Variants in NDRG4 observed in about 807,000 individuals in gnomAD.
NDRG4 encodes the protein protein NDRG4.
A neutral mutation model predicts 55.8 loss-of-function variants in NDRG4; 38 were observed. The ratio of observed to expected loss-of-function variants is 0.68; its 90% CI spans 0.53 to 0.89. The LOEUF is 0.89. Among genes scored for constraint, NDRG4 ranks in the 40% least tolerant of loss-of-function variants. The pLI is 0.00. For synonymous variants in NDRG4, 190 were observed against 182.7 expected, an observed-to-expected ratio of 1.04 and a Z score of -0.32; for missense variants, 455 against 468.6, an observed-to-expected ratio of 0.97 and a Z score of 0.27.
chr16:58,507,079 C>A, intron 8 of NDRG4, 64 bp downstream of exon 8: 1 of 1,283,170 alleles, frequency 7.8e-7, no homozygotes, highest in Non-Finnish European at 1.1e-6. Context: ...GCACACTGCC[C>A]CCTGAGGGAG....
At chr16:58,510,602 TCC>T in intron 13 of NDRG4, 41 bp from the exon 14 acceptor site, 1 of 1,511,524 alleles carries the variant, frequency 6.6e-7, no homozygotes, top group Non-Finnish European at 8.9e-7. Context: ...GTGTTGTGTC[TCC>T]CCCATCCCCG....
chr16:58,464,919 A>C lies in NDRG4; in HGVS notation c.-24+1122A>C. On this transcript the variant is annotated intron_variant, in intron 1 of 15. Coordinates refer to the NDRG4 transcript ENST00000258187. This position sits in a 1 kb window ranked among gnomAD's most constrained non-coding sequence, Gnocchi z 4.8. Reference sequence around the variant, plus strand: ...CTTGCTGGGAGTGGAGGCGACGCCAAGTGGCCTGGGAAGTGGGAAGCCAGA... The same window carrying C: ...CTTGCTGGGAGTGGAGGCGACGCCACGTGGCCTGGGAAGTGGGAAGCCAGA... The C allele has an allele frequency of 8.6e-7, 1 of 1,168,128 alleles. No individual in the cohort carries two copies. The highest frequency in any genetic ancestry group is 1.1e-6 in the Non-Finnish European group (1 of 932,200). 72.4% of individuals were successfully genotyped at this position (1,168,128 alleles called of 1,614,324 possible).
rs1443786630 is a variant in NDRG4, at chr16:58,464,312, C to G, written c.-24+515C>G. The G allele has an allele frequency of 1.2e-6, 1 of 855,266 alleles. No homozygotes were observed. The allele number at this position is 855,266 out of a possible 1,614,324, so 53.0% of individuals were successfully genotyped here. A position where few individuals can be genotyped will look rare whatever the true frequency, so the allele number is the denominator to read the frequency against. On this transcript the variant is annotated intron_variant, in intron 1 of 15. Transcript: ENST00000258187. The surrounding 1 kb of genome is among the most constrained non-coding windows in gnomAD (Gnocchi z 4.8). ...GCTCCTGGCTGTGAGCTGCTCCTGC[C>G]GCTTCGCTCCGCGCTCTCCTGCCGC...
chr16:58,481,801 A>G (rs2151636398), intron 1 of NDRG4, among the ~76,000 whole-genome samples: 1 of 152,080 alleles, frequency 6.6e-6, no homozygotes, highest in African/African-American at 2.4e-5. Context: ...TTGAGCCCCC[A>G]TCCCTGCCCC....
upstream of NDRG4, among the ~76,000 whole-genome samples, chr16:58,498,264 G>T (rs138347510): frequency 1.2e-3 from 183 of 152,304 alleles, 1 homozygote; most frequent in East Asian, 0.011. Context: ...GGAATGGGGA[G>T]CATGGCCAGG....
intron 11 of NDRG4, 67 bp from the exon 12 acceptor site, chr16:58,509,087 C>T: frequency 6.2e-7 from 1 of 1,613,920 alleles, no homozygotes; most frequent in African/African-American, 1.3e-5. Context: ...CCTGGGGTCC[C>T]AGCCAGGGTG....
chr16:58,511,901 G>C lies in NDRG4; in HGVS notation c.*325G>C. Reference sequence around the variant, plus strand: ...CCAGGCCATTCCTGGGTGAGCCCTTGGGCAGGCATGTTTGGAGATGAGAGA... The same window carrying C: ...CCAGGCCATTCCTGGGTGAGCCCTTCGGCAGGCATGTTTGGAGATGAGAGA... On this transcript the variant is annotated 3_prime_UTR_variant, in exon 15 of 15. Transcript: ENST00000570248. The C allele has an allele frequency of 2.2e-6, 1 of 452,514 alleles. No individual in the cohort carries two copies. The highest frequency in any genetic ancestry group is 4.3e-6 in the Non-Finnish European group (1 of 233,280). 28.0% of individuals were successfully genotyped at this position (452,514 alleles called of 1,614,324 possible).
intron 1 of NDRG4, chr16:58,501,071 G>A: frequency 1.6e-6 from 2 of 1,235,920 alleles, no homozygotes; most frequent in South Asian, 3.9e-5. Context: ...TCTCGCCGGG[G>A]CATCAGGTAC....
chr16:58,508,092 C>T (rs1291156518), intron 10 of NDRG4, 93 bp downstream of exon 10: 1 of 1,243,204 alleles, frequency 8.0e-7, no homozygotes, highest in Non-Finnish European at 1.1e-6. Flanking sequence ...TGATCCAGCC[C>T]AGGGGAGCCT....
At chr16:58,508,588 G>T (rs1433099734) in intron 10 of NDRG4, among the ~76,000 whole-genome samples, 1 of 152,152 alleles carries the variant, frequency 6.6e-6, no homozygotes, top group Non-Finnish European at 1.5e-5. Flanking sequence ...GAGCAGGGTG[G>T]TGGGCTGTGC....
At chr16:58,503,947 C>T (rs1339711595) in intron 2 of NDRG4, 44 bp downstream of exon 2, 1 of 1,603,720 alleles carries the variant, frequency 6.2e-7, no homozygotes, top group Non-Finnish European at 8.5e-7. Flanking sequence ...TGCCTCCCAT[C>T]AGCCAGAGCG....
chr16:58,501,154 C>T, intron 1 of NDRG4: 4 of 1,028,230 alleles, frequency 3.9e-6, no homozygotes, highest in Non-Finnish European at 5.0e-6. Flanking sequence ...CACACGCCTG[C>T]CCTGCCGGTT....
intron 5 of NDRG4, 118 bp from the exon 6 acceptor site, chr16:58,506,269 G>A (rs753036794): frequency 3.2e-6 from 3 of 951,786 alleles, no homozygotes; most frequent in East Asian, 4.8e-5. Context: ...GGGTGTGCAT[G>A]CACAGACCCG....
At chr16:58,499,958 C>T, upstream of NDRG4, 1 of 584,150 alleles carries the variant, frequency 1.7e-6, no homozygotes, top group Non-Finnish European at 2.9e-6. Flanking sequence ...GTGGGAGGAG[C>T]AGTGACAGGG....
At chr16:58,510,094 G>C (rs143778720) in intron 13 of NDRG4, among the ~76,000 whole-genome samples, 2 of 152,120 alleles carry the variant, frequency 1.3e-5, no homozygotes, top group Admixed American at 1.3e-4. Context: ...TCAGCCTCTG[G>C]AGCTATCTCC....
intron 2 of NDRG4, among the ~76,000 whole-genome samples, chr16:58,492,276 C>G (rs2035868291): frequency 6.6e-6 from 1 of 152,116 alleles, no homozygotes; most frequent in Admixed American, 6.5e-5. Flanking sequence ...CTCCCACACA[C>G]CACTCCTCTG....
intron 5 of NDRG4, chr16:58,504,867 T>A: frequency 1.7e-6 from 1 of 579,840 alleles, no homozygotes. Context: ...TATAGTTTTC[T>A]CAAGAGACTA....
intron 1 of NDRG4, among the ~76,000 whole-genome samples, chr16:58,468,537 A>T (rs937505732): frequency 1.3e-5 from 2 of 152,220 alleles, no homozygotes; most frequent in African/African-American, 4.8e-5. Context: ...CCTGGTCAAC[A>T]TGGCGAAACC....
At chr16:58,484,769 G>A (rs940443151) in intron 1 of NDRG4, among the ~76,000 whole-genome samples, 5 of 151,934 alleles carry the variant, frequency 3.3e-5, no homozygotes, top group Admixed American at 6.6e-5. Flanking sequence ...AGACCCTGGC[G>A]TTCGCCCACC....
Sources: allele counts gnomAD v4.1 joint callset (sites outside exome capture counted in the v4.1 genomes callset), GRCh38; gene constraint gnomAD v4.1.1; non-coding constraint Gnocchi (gnomAD v3.1); transcripts MANE v1.5; gene names NCBI Gene and HGNC (gene_info 2026-07-23, HGNC 2026-07-21).